GPR55: variants seen among roughly 807,000 people sequenced by gnomAD.
The protein encoded by GPR55 is G protein-coupled receptor 55.
A neutral mutation model predicts 7.9 loss-of-function variants in GPR55; 6 were observed. The ratio of observed to expected loss-of-function variants is 0.76; its 90% CI spans 0.41 to 1.49. GPR55 has a LOEUF of 1.49. GPR55 is among the 40% of genes most tolerant of loss of function. The probability of loss-of-function intolerance (pLI) is 0.01; values close to 1 mark genes in which losing one functional copy is unlikely to be tolerated. For missense variants in GPR55, 376 were observed against 406.0 expected (o/e 0.93, Z 0.63); for synonymous variants, 183 against 166.8 (o/e 1.10, Z -0.75).
rs751636600 is a variant in GPR55, at chr2:230,910,345, G to A, written c.618C>T (p.His206=). The change falls in exon 2 of 2, where the codon CAC becomes CAT. Residue 206 remains histidine (H), a synonymous_variant. Coordinates refer to ENST00000650999, the MANE Select transcript of GPR55 (RefSeq NM_005683.4). This position sits in a 1 kb window ranked among gnomAD's most constrained non-coding sequence, Gnocchi z 5.4. ...TGTGGTCTCGGCGGCCCAGCAGGAT[G>A]TGGATGCTCCTGGAGCAGCAGAAGC... ...IMGFCCSRSI[H]ILLGRRDHTQ... is the part of the protein sequence containing the mutation. The A allele has an allele frequency of 7.1e-5, 115 of 1,613,350 alleles. 3 individuals are homozygous for A. In the South Asian group the frequency reaches 1.1e-3, roughly 16 times the overall value.
chr2:230,926,169 ATGGG>A (rs1690937612), upstream of GPR55, among the ~76,000 whole-genome samples: 2 of 152,332 alleles, frequency 1.3e-5, no homozygotes, highest in Middle Eastern at 3.4e-3. Context: ...CATCCAACAC[ATGGG>A]TCCCCTCTGT....
Position 230,936,479 on chromosome 2 carries a change from C to A in GPR55, c.-135+24296G>T, listed in dbSNP as rs536388828. On this transcript the variant is annotated intron_variant, in intron 1 of 1. Coordinates refer to the GPR55 transcript ENST00000392039. ...CGCCATGTGAAGAAGGACATGTTTG[C>A]TTCCCCTTCCACCTGACTATAAGTT... Among the ~76,000 whole-genome samples the A allele has an allele frequency of 4.5e-4, 69 of 152,300 alleles. 2 individuals carry two copies. The South Asian group carries it at 0.014, about 32-fold the overall frequency.
intron 1 of GPR55, among the ~76,000 whole-genome samples, chr2:230,913,447 A>G (rs924012618): frequency 5.3e-5 from 8 of 152,274 alleles, no homozygotes; most frequent in Admixed American, 4.6e-4. Context: ...AGCACTACGC[A>G]CTAAACATTT....
At chr2:230,940,244 C>A (rs113689149) in intron 1 of GPR55, among the ~76,000 whole-genome samples, 1 of 152,088 alleles carries the variant, frequency 6.6e-6, no homozygotes, top group Admixed American at 6.5e-5. Flanking sequence ...TCAGTGGGGG[C>A]GGCGCTTACA....
intron 1 of GPR55, among the ~76,000 whole-genome samples, chr2:230,955,710 T>TTTTTG (rs71968958): frequency 1.5e-4 from 22 of 150,944 alleles, no homozygotes; most frequent in Non-Finnish European, 2.4e-4. Flanking sequence ...TGCCAGTGTC[T>TTTTTG]TTTTGTTTTG....
intron 1 of GPR55, among the ~76,000 whole-genome samples, chr2:230,941,758 C>T (rs1053386061): frequency 2.6e-5 from 4 of 152,154 alleles, no homozygotes; most frequent in African/African-American, 9.7e-5. Flanking sequence ...CTCGGGGTCC[C>T]CTTTATCAGC....
At chr2:230,911,304 C>T (rs1690586886) in intron 1 of GPR55, among the ~76,000 whole-genome samples, 1 of 152,200 alleles carries the variant, frequency 6.6e-6, no homozygotes, top group African/African-American at 2.4e-5. Context: ...AGCACATACC[C>T]AGACCCAAAC....
intron 1 of GPR55, among the ~76,000 whole-genome samples, chr2:230,955,412 TCA>T (rs1691465077): frequency 6.6e-6 from 1 of 152,222 alleles, no homozygotes; most frequent in African/African-American, 2.4e-5. Flanking sequence ...AAAGTGGCTT[TCA>T]CACAGATTCC....
chr2:230,955,302 A>C (rs1463921798), intron 1 of GPR55, among the ~76,000 whole-genome samples: 1 of 152,224 alleles, frequency 6.6e-6, no homozygotes, highest in Non-Finnish European at 1.5e-5. Context: ...CCCAGTAGAA[A>C]GGTCTTGACT....
chr2:230,935,317 C>T (rs1404686949), intron 1 of GPR55, among the ~76,000 whole-genome samples: 4 of 152,324 alleles, frequency 2.6e-5, no homozygotes, highest in Non-Finnish European at 2.9e-5. Flanking sequence ...AGCCCCAGCG[C>T]AGCCTCCTGT....
intron 1 of GPR55, among the ~76,000 whole-genome samples, chr2:230,940,515 C>T (rs1243831150): frequency 4.6e-5 from 7 of 152,182 alleles, no homozygotes; most frequent in Admixed American, 3.3e-4. Flanking sequence ...CCGAAGACAG[C>T]GTCATTCTGG....
Position 230,911,081 on chromosome 2 carries a change from G to T in GPR55, c.-119C>A. On this transcript the variant is annotated 5_prime_UTR_variant, in exon 2 of 2. Transcript: ENST00000650999. ...TCCCCAGCATCACACAGCAATTCAT[G>T]CCCATTGAATCACAACTAGAACACA... 1 of 1,027,262 alleles carries T rather than the reference G, an allele frequency of 9.7e-7. No individual in the cohort carries two copies. The highest frequency in any genetic ancestry group is 1.4e-6 in the Non-Finnish European group (1 of 691,080). 63.6% of individuals were successfully genotyped at this position (1,027,262 alleles called of 1,614,324 possible).
chr2:230,945,187 G>A (rs1691291373), intron 1 of GPR55, among the ~76,000 whole-genome samples: 1 of 152,222 alleles, frequency 6.6e-6, no homozygotes, highest in East Asian at 1.9e-4. Context: ...GGCGGCGGGG[G>A]AGAGGAAAGG....
chr2:230,951,965 G>A (rs890922151), intron 1 of GPR55, among the ~76,000 whole-genome samples: 2 of 151,490 alleles, frequency 1.3e-5, no homozygotes, highest in Non-Finnish European at 2.9e-5. Flanking sequence ...CGGGGGTCTT[G>A]CTATGTTGCC....
At chr2:230,916,438 C>T (rs991895987) in intron 1 of GPR55, among the ~76,000 whole-genome samples, 3 of 151,614 alleles carry the variant, frequency 2.0e-5, no homozygotes, top group East Asian at 1.9e-4. Flanking sequence ...GTGGGAGGAT[C>T]GCTTGAGCCC....
intron 1 of GPR55, among the ~76,000 whole-genome samples, chr2:230,953,348 A>G (rs4972975): frequency 0.062 from 9,406 of 152,248 alleles, 694 homozygotes; most frequent in East Asian, 0.4. Context: ...GTAATCACAA[A>G]AGTTCTTGAA....
At chr2:230,916,015 T>C (rs1384892749) in intron 1 of GPR55, among the ~76,000 whole-genome samples, 1 of 150,828 alleles carries the variant, frequency 6.6e-6, no homozygotes, top group Non-Finnish European at 1.5e-5. Flanking sequence ...CAGGAAACTA[T>C]GGAAAGAGAC....
At chr2:230,942,562 C>G (rs1691250330) in intron 1 of GPR55, among the ~76,000 whole-genome samples, 1 of 151,988 alleles carries the variant, frequency 6.6e-6, no homozygotes, top group African/African-American at 2.4e-5. Flanking sequence ...TGGCTGGAGG[C>G]CAGAGAAAGG....
chr2:230,940,135 C>T lies in GPR55; in HGVS notation c.-135+20640G>A, dbSNP rs1574632042. Among the ~76,000 whole-genome samples, 6 of 152,198 alleles carry T rather than the reference C, an allele frequency of 3.9e-5. No individual in the cohort carries two copies. In the South Asian group the frequency reaches 1.2e-3, roughly 32 times the overall value. Reference sequence around the variant, plus strand: ...GCAAATGGCTTGGGGCAGCTACAGCCTCCCAGGGGCAGGCGGGAGGCCCTT... The same window carrying T: ...GCAAATGGCTTGGGGCAGCTACAGCTTCCCAGGGGCAGGCGGGAGGCCCTT... On this transcript the variant is annotated intron_variant, in intron 1 of 1. Coordinates refer to the GPR55 transcript ENST00000392039.
Sources: allele counts gnomAD v4.1 joint callset (sites outside exome capture counted in the v4.1 genomes callset), GRCh38; gene constraint gnomAD v4.1.1; non-coding constraint Gnocchi (gnomAD v3.1); transcripts MANE v1.5; gene names NCBI Gene and HGNC (gene_info 2026-07-23, HGNC 2026-07-21).